AOPEP: variants seen among roughly 807,000 people sequenced by gnomAD.
AOPEP encodes the protein aminopeptidase O.
A neutral mutation model predicts 98.1 loss-of-function variants in AOPEP; 77 were observed. The ratio of observed to expected loss-of-function variants is 0.78; its 90% confidence interval spans 0.65 to 0.95. AOPEP has a LOEUF of 0.95. Ranked by LOEUF, AOPEP falls within the 40% of genes least tolerant of loss-of-function variation. The probability of loss-of-function intolerance (pLI) is 0.00; values close to 1 mark genes in which losing one functional copy is unlikely to be tolerated. For missense variants in AOPEP, 1,024 were observed against 1,024.7 expected (o/e 1.00, Z 0.01); for synonymous variants, 346 against 365.3 (o/e 0.95, Z 0.60).
chr9:94,854,961 A>G (rs2043994835), intron 5 of AOPEP, among the ~76,000 whole-genome samples: 6 of 152,222 alleles, frequency 3.9e-5, no homozygotes. Flanking sequence ...TACATGTAAC[A>G]AGCATGTATA....
At chr9:95,090,951 G>A (rs1364023881), downstream of AOPEP, among the ~76,000 whole-genome samples, 1 of 152,210 alleles carries the variant, frequency 6.6e-6, no homozygotes, top group African/African-American at 2.4e-5. Context: ...AGACAGCCCT[G>A]ACGGAAAACC....
intron 11 of AOPEP, among the ~76,000 whole-genome samples, chr9:94,997,586 C>T (rs2061321735): frequency 1.3e-5 from 2 of 152,170 alleles, no homozygotes; most frequent in Non-Finnish European, 1.5e-5. Context: ...CCTAAGTGGT[C>T]ACCTGGGCAT....
the AOPEP span, among the ~76,000 whole-genome samples, chr9:95,105,121 G>A: frequency 6.6e-6 from 1 of 152,196 alleles, no homozygotes; most frequent in African/African-American, 2.4e-5. Context: ...CTTTAGCCCT[G>A]GGCCACCCTC....
chr9:94,991,136 C>A (rs577788251), intron 11 of AOPEP, among the ~76,000 whole-genome samples: 1 of 152,322 alleles, frequency 6.6e-6, no homozygotes, highest in East Asian at 1.9e-4. Context: ...TGGCCCTGCA[C>A]AATGCTCACA....
intron 5 of AOPEP, chr9:94,900,435 G>A (rs112759802): frequency 1.3e-5 from 2 of 152,132 alleles, no homozygotes; most frequent in Non-Finnish European, 2.9e-5. Context: ...TGAGGCCGGC[G>A]ATTATTCAGC....
intron 7 of AOPEP, among the ~76,000 whole-genome samples, chr9:94,944,009 G>A (rs2057346014): frequency 6.9e-6 from 1 of 144,452 alleles, no homozygotes; most frequent in African/African-American, 2.5e-5. Flanking sequence ...GAGCACATAA[G>A]ATACTCAACA....
At chr9:95,112,373 G>C in the AOPEP span, among the ~76,000 whole-genome samples, 2 of 152,110 alleles carry the variant, frequency 1.3e-5, no homozygotes, top group Admixed American at 6.5e-5. Flanking sequence ...CCCTTTGTTG[G>C]ATCTTCCTGC....
In AOPEP at chr9:94,930,697, T is replaced by C. The variant is rs55782932; in HGVS notation, c.1661+2166T>C. On this transcript the variant is annotated intron_variant, in intron 7 of 16. Coordinates refer to ENST00000375315, the MANE Select transcript of AOPEP (RefSeq NM_001193329.3). The surrounding 1 kb of genome is among the most constrained non-coding windows in gnomAD (Gnocchi z 4.5). The stretch of plus-strand genomic sequence containing the variant: ...GGTGGGAGTGGCTGATGTTGGAAGC[T>C]GCCTGGGGGATGAAGAGGGGCGAAA... 5.3e-3 allele frequency among the ~76,000 whole-genome samples: 804 copies of C among 151,910 alleles called. 13 individuals are homozygous for C. The highest frequency in any genetic ancestry group is 0.043 in the East Asian group (222 of 5,146).
chr9:95,070,296 G>A (rs1371416743), intron 14 of AOPEP, among the ~76,000 whole-genome samples: 1 of 152,202 alleles, frequency 6.6e-6, no homozygotes, highest in Non-Finnish European at 1.5e-5. Flanking sequence ...TTATTGCAGG[G>A]TAGACTTATT....
the AOPEP span, chr9:95,149,967 G>A: frequency 3.1e-6 from 5 of 1,612,398 alleles, no homozygotes; most frequent in Non-Finnish European, 3.4e-6. Flanking sequence ...CTGGCTGGAG[G>A]ATTTCCTGAG....
At chr9:95,042,984 GT>G (rs2065468290) in intron 13 of AOPEP, among the ~76,000 whole-genome samples, 1 of 151,984 alleles carries the variant, frequency 6.6e-6, no homozygotes, top group African/African-American at 2.4e-5. Flanking sequence ...TTAGGTAGGG[GT>G]TTTTTGGCAG....
intron 13 of AOPEP, among the ~76,000 whole-genome samples, chr9:95,045,106 CCAAGGTCA>C (rs1037589543): frequency 1.2e-4 from 18 of 152,208 alleles, no homozygotes; most frequent in Non-Finnish European, 2.6e-4. Flanking sequence ...GCGCTTGTGC[CCAAGGTCA>C]CAAGGTGAGT....
At chr9:94,815,270 T>C (rs1445979116) in intron 5 of AOPEP, among the ~76,000 whole-genome samples, 1 of 152,156 alleles carries the variant, frequency 6.6e-6, no homozygotes, top group Non-Finnish European at 1.5e-5. Context: ...TAGAGATTCA[T>C]GAGTTACCAT....
the AOPEP span, chr9:95,111,767 G>A: frequency 5.0e-5 from 52 of 1,033,868 alleles, no homozygotes; most frequent in South Asian, 6.3e-4. Context: ...AACCTGCAAG[G>A]AATACAATTT....
chr9:94,901,258 A>C (rs912874843), intron 5 of AOPEP, among the ~76,000 whole-genome samples: 5 of 152,210 alleles, frequency 3.3e-5, no homozygotes, highest in Non-Finnish European at 5.9e-5. Flanking sequence ...AAAAGTATAG[A>C]GTATTCAAGT....
intron 12 of AOPEP, 123 bp downstream of exon 12, chr9:95,005,343 G>C (rs1260578940): frequency 1.4e-6 from 1 of 719,234 alleles, no homozygotes; most frequent in Non-Finnish European, 1.9e-6. Context: ...GCTCCGGCTC[G>C]GGCGCGGGGA....
chr9:95,035,571 T>C (rs2133448504), intron 13 of AOPEP, among the ~76,000 whole-genome samples: 1 of 131,444 alleles, frequency 7.6e-6, no homozygotes, highest in Middle Eastern at 5.0e-3. Context: ...CAGGCTGGAG[T>C]GCAGTGGCGC....
intron 9 of AOPEP, among the ~76,000 whole-genome samples, chr9:94,961,476 C>G (rs371950562): frequency 1.3e-5 from 2 of 152,090 alleles, no homozygotes; most frequent in Admixed American, 1.3e-4. Context: ...TTTCCAATTG[C>G]GTTTATCTTT....
chr9:95,005,529 T>G lies in AOPEP; in HGVS notation c.2041-13T>G, dbSNP rs1201606277. 6.2e-7 allele frequency: 1 copy of G among 1,613,266 alleles called. No individual in the cohort carries two copies. Among genetic ancestry groups the G allele is most frequent in the Non-Finnish European group, 8.5e-7 (1 of 1,179,392 alleles). Reference sequence around the variant, plus strand: ...GTCGCCTTCTTTGAAATGCTGTGGTTTTTGAACCTCAGGTCACGAAATGGA... The same window carrying G: ...GTCGCCTTCTTTGAAATGCTGTGGTGTTTGAACCTCAGGTCACGAAATGGA... On this transcript the variant is annotated splice_polypyrimidine_tract_variant and intron_variant, in intron 12 of 16. Transcript: ENST00000375315.
Sources: allele counts gnomAD v4.1 joint callset (sites outside exome capture counted in the v4.1 genomes callset), GRCh38; gene constraint gnomAD v4.1.1; non-coding constraint Gnocchi (gnomAD v3.1); transcripts MANE v1.5; gene names NCBI Gene and HGNC (gene_info 2026-07-23, HGNC 2026-07-21).